Variants in CAGE1 observed in about 807,000 individuals in gnomAD.
CAGE1 encodes cancer antigen 1, also known as cancer-associated gene 1 protein.
Under a neutral mutation model 94.9 loss-of-function variants are expected in CAGE1, and 66 were observed. The observed-to-expected ratio is 0.70, with a 90% CI of 0.57 to 0.85. The LOEUF (loss-of-function observed/expected upper bound fraction) is 0.85, where lower values mean the gene tolerates loss of function less well. CAGE1 is among the 40% of genes least tolerant of loss of function. CAGE1 has a pLI of 0.00. For synonymous variants in CAGE1, 319 were observed against 321.0 expected (o/e 0.99, Z 0.07); for missense variants, 865 against 950.4 (o/e 0.91, Z 1.18).
intron 9 of CAGE1, among the ~76,000 whole-genome samples, chr6:7,364,881 G>A (rs1301392677): frequency 1.3e-5 from 2 of 152,142 alleles, no homozygotes; most frequent in Non-Finnish European, 2.9e-5. Context: ...AGTATAGAAT[G>A]CTGCTTTTTA....
Position 7,367,174 on chromosome 6 carries a change from CACTGAATCAAACTGCAG to C in CAGE1, c.2005-1307_2005-1291del, listed in dbSNP as rs530183541. On this transcript the variant is annotated intron_variant, in intron 7 of 13. Transcript: ENST00000502583. ...CTGCCCTCTTCCCTCCATCCCCCTT[CACTGAATCAAACTGCAG>C]ACATCATATCACCTGTCAATACTTC... Among the ~76,000 whole-genome samples, 25 of 151,918 alleles carry C rather than the reference CACTGAATCAAACTGCAG, an allele frequency of 1.6e-4. No homozygotes were observed. In the South Asian group the frequency reaches 5.2e-3, roughly 32 times the overall value.
chr6:7,385,657 GA>G (rs1761095173), intron 3 of CAGE1, 127 bp downstream of exon 3: 9 of 413,706 alleles, frequency 2.2e-5, no homozygotes, highest in Non-Finnish European at 3.7e-5. Context: ...ATTTCAATAA[GA>G]TTTTTTTGTG....
chr6:7,372,029 A>AAAC (rs1419237524), intron 5 of CAGE1, among the ~76,000 whole-genome samples: 1 of 152,214 alleles, frequency 6.6e-6, no homozygotes, highest in Admixed American at 6.5e-5. Flanking sequence ...CAGCTTCTCC[A>AAAC]AACATATTGT....
intron 9 of CAGE1, among the ~76,000 whole-genome samples, chr6:7,358,068 A>G (rs1158605382): frequency 7.5e-5 from 9 of 119,904 alleles, no homozygotes; most frequent in African/African-American, 2.7e-4. Context: ...ATATATATAT[A>G]TATGCCTCCA....
At chr6:7,329,167 A>G (rs982217105) in intron 13 of CAGE1, 6 of 391,864 alleles carry the variant, frequency 1.5e-5, no homozygotes, top group East Asian at 3.7e-5. Flanking sequence ...TCCTGAACTC[A>G]AGTGATCCAC....
At chr6:7,343,781 C>T (rs1282438961) in intron 11 of CAGE1, among the ~76,000 whole-genome samples, 2 of 152,102 alleles carry the variant, frequency 1.3e-5, no homozygotes, top group African/African-American at 2.4e-5. Context: ...GGTAGCAGGG[C>T]TTGAGAAAAT....
rs1273273775 is a variant in CAGE1, at chr6:7,373,570, A to C, written c.1249T>G (p.Tyr417Asp). ...QLQFKKIKANYVCLQERYMTE... is the reference protein window; with the variant it reads ...QLQFKKIKANDVCLQERYMTE... ...ATGTACCTTTCCTGTAAACACACAT[A>C]ATTAGCCTTGATCTTCTTAAATTGA... The change falls in exon 5 of 14, where the codon TAT (tyrosine) becomes GAT (aspartate). Residue 417 changes from tyrosine to aspartate, a missense_variant. Transcript: ENST00000502583. The C allele has an allele frequency of 6.2e-7, 1 of 1,613,490 alleles. No homozygotes were observed. The highest frequency in any genetic ancestry group is 1.1e-5 in the South Asian group (1 of 91,038).
At chr6:7,331,670 C>G (rs1758759635) in intron 12 of CAGE1, 1 of 204,736 alleles carries the variant, frequency 4.9e-6, no homozygotes, top group Non-Finnish European at 1.0e-5. Context: ...TTGGCATAGG[C>G]AAACATCTTA....
At chr6:7,361,000 A>G (rs1471442917) in intron 9 of CAGE1, among the ~76,000 whole-genome samples, 1 of 152,146 alleles carries the variant, frequency 6.6e-6, no homozygotes, top group Non-Finnish European at 1.5e-5. Context: ...TTAAGCCAGA[A>G]TATATAGAGC....
At chr6:7,345,335 A>C (rs1362870371) in intron 11 of CAGE1, among the ~76,000 whole-genome samples, 2 of 150,122 alleles carry the variant, frequency 1.3e-5, no homozygotes, top group Admixed American at 1.3e-4. Flanking sequence ...CACTAAACCC[A>C]GCAGGATGAA....
intron 5 of CAGE1, among the ~76,000 whole-genome samples, chr6:7,370,481 G>A (rs967376333): frequency 3.9e-5 from 6 of 152,066 alleles, no homozygotes; most frequent in Non-Finnish European, 8.8e-5. Context: ...TTTTTGTAGA[G>A]ATGGGGGGTC....
chr6:7,388,060 T>G (rs1761189086), intron 1 of CAGE1, among the ~76,000 whole-genome samples: 1 of 149,676 alleles, frequency 6.7e-6, no homozygotes, highest in Non-Finnish European at 1.5e-5. Context: ...AAAAAAGTCT[T>G]TCAGTAACCT....
chr6:7,368,933 A>T, intron 6 of CAGE1, 135 bp from the exon 7 acceptor site: 1 of 575,248 alleles, frequency 1.7e-6, no homozygotes, highest in Non-Finnish European at 3.0e-6. Context: ...AATCATATTG[A>T]ACTCCATTCC....
intron 11 of CAGE1, among the ~76,000 whole-genome samples, chr6:7,349,103 T>C (rs765463765): frequency 6.6e-6 from 1 of 152,192 alleles, no homozygotes; most frequent in Non-Finnish European, 1.5e-5. Context: ...CCTAGGTACA[T>C]TGTCATCAGG....
chr6:7,373,969 A>C lies in CAGE1; in HGVS notation c.850T>G (p.Cys284Gly). The C allele has an allele frequency of 6.2e-7, 1 of 1,614,024 alleles. No individual in the cohort carries two copies. The highest frequency in any genetic ancestry group is 8.5e-7 in the Non-Finnish European group (1 of 1,179,894). ...CTTTGCTCCCAGTCAGGCATCTCAC[A>C]GTTCTCCCGACATGCTTCACTCCTC... The part of the protein sequence containing the change: ...SWRSEACREN[C>G]EMPDWEQSAE... Residue 284 changes from cysteine (C) to glycine (G), a missense_variant, in exon 5 of 14, where the codon TGT (cysteine) becomes GGT (glycine). Coordinates refer to ENST00000502583, the MANE Select transcript of CAGE1 (RefSeq NM_001170692.2).
At position 7,346,815 on chromosome 6, in the gene CAGE1, G is replaced by C. The variant is rs374432646; in HGVS notation, c.2369+8226C>G. The stretch of plus-strand genomic sequence containing the variant: ...TGCTACTGACTCCAGCTGAGATTGT[G>C]CCACTGCACTCCAGCCTGGGCAACA... On this transcript the variant is annotated intron_variant, in intron 11 of 13. Coordinates refer to ENST00000502583, the MANE Select transcript of CAGE1 (RefSeq NM_001170692.2). Among the ~76,000 whole-genome samples the C allele has an allele frequency of 1.3e-4, 19 of 151,774 alleles. No homozygotes were observed. In the East Asian group the frequency reaches 3.7e-3, roughly 29 times the overall value.
At chr6:7,341,450 T>C (rs1172916845) in intron 11 of CAGE1, 5 of 1,029,136 alleles carry the variant, frequency 4.9e-6, no homozygotes, top group South Asian at 1.3e-5. Context: ...TATGATCACA[T>C]GTAGGTTATA....
chr6:7,358,407 A>T (rs7738856), intron 9 of CAGE1, among the ~76,000 whole-genome samples: 8,059 of 152,078 alleles, frequency 0.053, 353 homozygotes, highest in African/African-American at 0.12. Flanking sequence ...TCATTGAATG[A>T]ATATATACAA....
chr6:7,338,863 G>C, intron 11 of CAGE1: 6 of 1,464,204 alleles, frequency 4.1e-6, no homozygotes, highest in Non-Finnish European at 3.8e-6. Flanking sequence ...CTGAGGGCAC[G>C]GCAGGAGGCT....
Sources: allele counts gnomAD v4.1 joint callset (sites outside exome capture counted in the v4.1 genomes callset), GRCh38; gene constraint gnomAD v4.1.1; transcripts MANE v1.5; gene names NCBI Gene and HGNC (gene_info 2026-07-23, HGNC 2026-07-21).